Variants in DLGAP2 observed in about 807,000 individuals in gnomAD.
DLGAP2 encodes the protein DLG associated protein 2.
Under a neutral mutation model 100.3 loss-of-function variants are expected in DLGAP2, and 26 were observed. The ratio of observed to expected loss-of-function variants is 0.26; its 90% confidence interval spans 0.19 to 0.36. The LOEUF (loss-of-function observed/expected upper bound fraction) is 0.36, where lower values mean the gene tolerates loss of function less well. Among genes scored for constraint, DLGAP2 ranks in the 10% least tolerant of loss-of-function variants. DLGAP2 has a pLI of 1.00. For synonymous variants in DLGAP2, 886 were observed against 630.1 expected (o/e 1.41, Z -6.08); for missense variants, 1,858 against 1,453.2 (o/e 1.28, Z -4.53).
At chr8:857,462 T>C (rs1797301095) in intron 1 of DLGAP2, among the ~76,000 whole-genome samples, 2 of 152,160 alleles carry the variant, frequency 1.3e-5, no homozygotes, top group South Asian at 4.1e-4. Context: ...ATGCAAAATA[T>C]ACAAATAATT....
rs1053062642 is a variant in DLGAP2, at chr8:1,653,513, C to T, written c.1811-14816C>T. On this transcript the variant is annotated intron_variant, in intron 8 of 14. Transcript: ENST00000637795. ...ACTGATGCTTACTGATCCACATAGG[C>T]TCTGGAGGTTCACAGAGCAACTTCA... 2.0e-4 allele frequency among the ~76,000 whole-genome samples: 30 copies of T among 152,354 alleles called. 1 individual carries two copies. The highest frequency in any genetic ancestry group is 1.8e-3 in the Admixed American group (27 of 15,308).
rs116593276 is a variant in DLGAP2, at chr8:1,672,179, C to T, written c.2202+2395C>T. On this transcript the variant is annotated intron_variant, in intron 10 of 14. Transcript: ENST00000637795. ...TTCTGTCCCTGGTGCCTTGTGAATC[C>T]CACCTTTATAAATGAGATCAGTTTT... is the stretch of plus-strand genomic sequence containing the variant. Among the ~76,000 whole-genome samples the T allele has an allele frequency of 2.7e-3, 412 of 152,132 alleles. 2 individuals are homozygous for T. The highest frequency in any genetic ancestry group is 9.4e-3 in the African/African-American group (390 of 41,500).
chr8:1,002,040 A>T (rs1295715198), intron 2 of DLGAP2: 1 of 152,184 alleles, frequency 6.6e-6, no homozygotes, highest in Admixed American at 6.5e-5. Flanking sequence ...GGACTGTGCT[A>T]CCTGTTTACA....
chr8:1,230,641 C>T (rs1367600173), intron 2 of DLGAP2, among the ~76,000 whole-genome samples: 1 of 151,878 alleles, frequency 6.6e-6, no homozygotes. Context: ...AATAGCATGG[C>T]ACTGGTACAA....
chr8:1,124,939 A>G (rs1411502594), intron 2 of DLGAP2, among the ~76,000 whole-genome samples: 1 of 152,128 alleles, frequency 6.6e-6, no homozygotes, highest in African/African-American at 2.4e-5. Context: ...CCGAGGAGGC[A>G]TCGTCCCCCT....
At chr8:821,910 CAGTT>C (rs1435753415) in intron 1 of DLGAP2, among the ~76,000 whole-genome samples, 3 of 152,244 alleles carry the variant, frequency 2.0e-5, no homozygotes, top group Admixed American at 1.3e-4. Context: ...GGTCTACAAA[CAGTT>C]GGTGGTGATT....
intron 2 of DLGAP2, among the ~76,000 whole-genome samples, chr8:1,065,198 G>T (rs1243920360): frequency 6.6e-6 from 1 of 152,232 alleles, no homozygotes; most frequent in Non-Finnish European, 1.5e-5. Context: ...CTGAAGCTGT[G>T]TCTAAACCTC....
At position 928,153 on chromosome 8, in the gene DLGAP2, C is replaced by G. The variant is rs142991202; in HGVS notation, c.73+20187C>G. Among the ~76,000 whole-genome samples the G allele has an allele frequency of 1.2e-3, 178 of 152,282 alleles. 2 individuals are homozygous for G. Among genetic ancestry groups the G allele is most frequent in the Non-Finnish European group, 1.0e-3 (70 of 68,032 alleles). On this transcript the variant is annotated intron_variant, in intron 2 of 14. Coordinates refer to ENST00000637795, the MANE Select transcript of DLGAP2 (RefSeq NM_001346810.2). ...CTCCTAGGAGAATTTCTGGTCATGT[C>G]ATAGACACGGATGTACTGAGGCTGA...
chr8:1,382,195 G>A (rs989776044), intron 3 of DLGAP2, among the ~76,000 whole-genome samples: 11 of 152,200 alleles, frequency 7.2e-5, no homozygotes, highest in African/African-American at 2.7e-4. Flanking sequence ...TATTCATACA[G>A]TAAAGTAAGC....
intron 4 of DLGAP2, among the ~76,000 whole-genome samples, chr8:1,506,651 C>G (rs1302057019): frequency 1.3e-5 from 2 of 152,234 alleles, no homozygotes; most frequent in Non-Finnish European, 2.9e-5. Context: ...ATTCCCTTAT[C>G]TGGCCCCACC....
intron 1 of DLGAP2, among the ~76,000 whole-genome samples, chr8:904,424 G>T (rs1334407999): frequency 6.6e-6 from 1 of 152,188 alleles, no homozygotes; most frequent in Non-Finnish European, 1.5e-5. Context: ...GGAGGCTGAG[G>T]CAGAAGAATC....
chr8:1,524,019 G>C lies in DLGAP2; in HGVS notation c.172+22588G>C, dbSNP rs187178347. 1.6e-4 allele frequency among the ~76,000 whole-genome samples: 25 copies of C among 152,328 alleles called. No homozygotes were observed. The East Asian group carries it at 4.2e-3, about 26-fold the overall frequency. ...CCGGATTCGGCATCAGATCAGCTGT[G>C]CTGTGTGTGCTTCCAAAGACGTTTC... On this transcript the variant is annotated intron_variant, in intron 4 of 14. Coordinates refer to ENST00000637795, the MANE Select transcript of DLGAP2 (RefSeq NM_001346810.2).
chr8:857,929 G>A (rs1360537895), intron 1 of DLGAP2, among the ~76,000 whole-genome samples: 3 of 151,886 alleles, frequency 2.0e-5, no homozygotes, highest in Non-Finnish European at 2.9e-5. Flanking sequence ...GGAGTGCAGT[G>A]GTGTGATCTC....
At chr8:915,541 C>T (rs1798572954) in intron 2 of DLGAP2, among the ~76,000 whole-genome samples, 1 of 134,650 alleles carries the variant, frequency 7.4e-6, no homozygotes, top group Non-Finnish European at 1.7e-5. Flanking sequence ...AGCAAGACTC[C>T]ATCTCTAAAA....
intron 3 of DLGAP2, among the ~76,000 whole-genome samples, chr8:1,468,821 A>G (rs933451341): frequency 2.0e-5 from 3 of 151,986 alleles, no homozygotes; most frequent in African/African-American, 7.2e-5. Context: ...CCCACTCTCC[A>G]TGGATGCCAG....
Position 1,565,851 on chromosome 8 carries a change from C to T in DLGAP2, c.1399C>T (p.Leu467=), listed in dbSNP as rs1802377132. The T allele has an allele frequency of 1.2e-6, 2 of 1,612,628 alleles. No individual in the cohort carries two copies. Among genetic ancestry groups the T allele is most frequent in the Non-Finnish European group, 8.5e-7 (1 of 1,179,268 alleles). The part of the protein sequence containing the change: ...SPKSAILPEP[L]LKSIGQRPLG... ...AAAGTCGGCAATCCTACCAGAGCCG[C>T]TGCTGAAGTCCATCGGACAGAGACC... is the stretch of plus-strand genomic sequence containing the variant. The change falls in exon 6 of 15, where the codon CTG becomes TTG. Residue 467 remains leucine, a synonymous_variant. Coordinates refer to ENST00000637795, the MANE Select transcript of DLGAP2 (RefSeq NM_001346810.2).
chr8:909,229 G>C (rs928162094), intron 2 of DLGAP2, among the ~76,000 whole-genome samples: 15 of 152,106 alleles, frequency 9.9e-5, no homozygotes, highest in African/African-American at 3.1e-4. Context: ...TTATTTTCTG[G>C]AAGTCTTGGT....
Position 1,152,399 on chromosome 8 carries a change from A to G in DLGAP2, c.74-106452A>G, listed in dbSNP as rs1796712152. On this transcript the variant is annotated intron_variant, in intron 2 of 14. Transcript: ENST00000637795. ...TGATGGAACGTGTTGCCTCAATGCA[A>G]TGACACTAAGTATTTAAACGGGATG... Among the ~76,000 whole-genome samples, 3 of 152,350 alleles carry G rather than the reference A, an allele frequency of 2.0e-5. 1 individual carries two copies. The highest frequency in any genetic ancestry group is 4.1e-4 in the South Asian group (2 of 4,830).
chr8:1,389,242 G>A (rs1169674058), intron 3 of DLGAP2, among the ~76,000 whole-genome samples: 1 of 148,284 alleles, frequency 6.7e-6, no homozygotes, highest in Non-Finnish European at 1.5e-5. Context: ...TCTGGAGGAG[G>A]AGGATTGGAA....
Sources: allele counts gnomAD v4.1 joint callset (sites outside exome capture counted in the v4.1 genomes callset), GRCh38; gene constraint gnomAD v4.1.1; transcripts MANE v1.5; gene names NCBI Gene and HGNC (gene_info 2026-07-23, HGNC 2026-07-21).